CDK8: variants seen among roughly 807,000 people sequenced by gnomAD.
CDK8 encodes the protein cyclin dependent kinase 8, also known as cyclin-dependent kinase 8.
In CDK8, 29 loss-of-function variants were observed where a neutral mutation model predicts 71.5. The ratio of observed to expected loss-of-function variants is 0.41; its 90% confidence interval spans 0.30 to 0.55. CDK8 has a LOEUF of 0.55. Ranked by LOEUF, CDK8 falls within the 20% of genes least tolerant of loss-of-function variation. The pLI, the probability that CDK8 is intolerant of heterozygous loss-of-function variation, is 0.37. For synonymous variants in CDK8, 161 were observed against 192.1 expected, an observed-to-expected ratio of 0.84 and a Z score of 1.34; for missense variants, 288 against 572.6, an observed-to-expected ratio of 0.50 and a Z score of 5.07.
At chr13:26,331,511 G>T (rs1875313216) in intron 1 of CDK8, among the ~76,000 whole-genome samples, 1 of 151,996 alleles carries the variant, frequency 6.6e-6, no homozygotes, top group African/African-American at 2.4e-5. Context: ...TAAATTCTTT[G>T]CCTAGATCTT....
chr13:26,308,137 T>C (rs1874124512), intron 1 of CDK8, among the ~76,000 whole-genome samples: 1 of 152,262 alleles, frequency 6.6e-6, no homozygotes, highest in Admixed American at 6.5e-5. Context: ...TGCAGTGCAG[T>C]AGCCACTAAC....
At position 26,349,193 on chromosome 13, in the gene CDK8, T is replaced by C. The variant is rs1198305344; in HGVS notation, c.315+11T>C. The C allele has an allele frequency of 1.4e-6, 2 of 1,446,196 alleles. No homozygotes were observed. Among genetic ancestry groups the C allele is most frequent in the Non-Finnish European group, 1.9e-6 (2 of 1,034,504 alleles). The allele number at this position is 1,446,196 out of a possible 1,614,324, so 89.6% of individuals were successfully genotyped here. On this transcript the variant is annotated intron_variant, in intron 3 of 12. Coordinates refer to ENST00000381527, the MANE Select transcript of CDK8 (RefSeq NM_001260.3). The stretch of plus-strand genomic sequence containing the variant: ...GAACATGACCTCTGGGTAAGGTGAA[T>C]TGCTGGCAGACATGAGCAAACAGTC...
At chr13:26,403,742 C>T (rs1876376410) in intron 12 of CDK8, among the ~76,000 whole-genome samples, 1 of 152,146 alleles carries the variant, frequency 6.6e-6, no homozygotes, top group African/African-American at 2.4e-5. Context: ...TAAGCCTAGG[C>T]TTAATATTAT....
chr13:26,381,007 G>A (rs1318312980), intron 4 of CDK8, among the ~76,000 whole-genome samples: 1 of 152,174 alleles, frequency 6.6e-6, no homozygotes, highest in Non-Finnish European at 1.5e-5. Flanking sequence ...AAGCAAGAGA[G>A]TAACATAATC....
intron 1 of CDK8, among the ~76,000 whole-genome samples, chr13:26,301,703 TCC>T (rs1455666210): frequency 9.9e-5 from 15 of 152,170 alleles, no homozygotes; most frequent in Non-Finnish European, 1.5e-5. Flanking sequence ...GATGGGACAT[TCC>T]CCATAATGTC....
intron 1 of CDK8, among the ~76,000 whole-genome samples, chr13:26,270,989 C>T (rs1164142114): frequency 3.3e-5 from 5 of 152,086 alleles, no homozygotes; most frequent in Non-Finnish European, 7.4e-5. Context: ...TTGTTTTCTG[C>T]CTTTTTGATA....
chr13:26,396,361 T>G lies in CDK8; in HGVS notation c.860+7T>G. 7.1e-7 allele frequency: 1 copy of G among 1,402,712 alleles called. No individual in the cohort carries two copies. 86.9% of individuals were successfully genotyped at this position (1,402,712 alleles called of 1,614,324 possible). A position where few individuals can be genotyped will look rare whatever the true frequency, so the allele number is the denominator to read the frequency against. On this transcript the variant is annotated splice_region_variant and intron_variant, in intron 8 of 12. Transcript: ENST00000381527. ...AAGATTTCAGAAGAAATACGTAAGT[T>G]GGAAAAAAAGAGACTCCTTGTTGAT...
intron 2 of CDK8, among the ~76,000 whole-genome samples, chr13:26,344,586 G>A (rs866154312): frequency 2.0e-5 from 3 of 152,124 alleles, no homozygotes; most frequent in Admixed American, 1.3e-4. Flanking sequence ...CCAACATGGC[G>A]AAACCTTGTC....
chr13:26,355,195 A>G (rs898102558), intron 4 of CDK8, among the ~76,000 whole-genome samples: 1 of 152,228 alleles, frequency 6.6e-6, no homozygotes, highest in Non-Finnish European at 1.5e-5. Flanking sequence ...GATGTTAGTT[A>G]CTTTATCTCC....
In CDK8 at chr13:26,380,339, C is replaced by T. The variant is rs547745894; in HGVS notation, c.457-2475C>T. Among the ~76,000 whole-genome samples, 3 of 152,170 alleles carry T rather than the reference C, an allele frequency of 2.0e-5. No homozygotes were observed. The East Asian group carries it at 5.8e-4, about 29-fold the overall frequency. Reference sequence around the variant, plus strand: ...GGATTACAGGCACGCACCACCACGCCCAGCTAATTTTTGTATTTTTTAGTA... The same window carrying T: ...GGATTACAGGCACGCACCACCACGCTCAGCTAATTTTTGTATTTTTTAGTA... On this transcript the variant is annotated intron_variant, in intron 4 of 12. Transcript: ENST00000381527.
chr13:26,310,719 A>G (rs1208424979), intron 1 of CDK8, among the ~76,000 whole-genome samples: 1 of 152,134 alleles, frequency 6.6e-6, no homozygotes, highest in African/African-American at 2.4e-5. Context: ...TGTGCAGCCC[A>G]GTTCCTAACA....
intron 7 of CDK8, among the ~76,000 whole-genome samples, chr13:26,395,498 A>G (rs1875949733): frequency 6.6e-6 from 1 of 152,124 alleles, no homozygotes; most frequent in Non-Finnish European, 1.5e-5. Flanking sequence ...AAAAAAAAAA[A>G]AAAAAGAGCT....
chr13:26,401,243 A>G lies in CDK8; in HGVS notation c.1032-26A>G, dbSNP rs1876242258. 2 of 1,565,282 alleles carry G rather than the reference A, an allele frequency of 1.3e-6. No homozygotes were observed. The highest frequency in any genetic ancestry group is 2.2e-5 in the East Asian group (1 of 44,626). On this transcript the variant is annotated intron_variant, in intron 10 of 12. Coordinates refer to ENST00000381527, the MANE Select transcript of CDK8 (RefSeq NM_001260.3). This position sits in a 1 kb window ranked among gnomAD's most constrained non-coding sequence, Gnocchi z 4.5. ...TGGAATATTGATTAGTATACCAGAAATGGTTTTTCTTTTTCTTATGATCAG... is the reference window on the plus strand; with the variant it reads ...TGGAATATTGATTAGTATACCAGAAGTGGTTTTTCTTTTTCTTATGATCAG...
At chr13:26,370,636 A>T (rs1341985425) in intron 4 of CDK8, among the ~76,000 whole-genome samples, 1 of 152,208 alleles carries the variant, frequency 6.6e-6, no homozygotes, top group Non-Finnish European at 1.5e-5. Flanking sequence ...AACAGTCACG[A>T]TACAGGATTG....
At chr13:26,382,457 C>G (rs9512195) in intron 4 of CDK8, among the ~76,000 whole-genome samples, 1 of 152,004 alleles carries the variant, frequency 6.6e-6, no homozygotes, top group Non-Finnish European at 1.5e-5. Flanking sequence ...TCATCTTTCT[C>G]GATTCATTTT....
chr13:26,331,019 C>T (rs1018317966), intron 1 of CDK8, among the ~76,000 whole-genome samples: 11 of 152,090 alleles, frequency 7.2e-5, no homozygotes, highest in African/African-American at 2.4e-4. Flanking sequence ...ATTGCCATGC[C>T]ATTTTCTATA....
At chr13:26,263,923 A>G (rs1390487101) in intron 1 of CDK8, among the ~76,000 whole-genome samples, 2 of 150,348 alleles carry the variant, frequency 1.3e-5, no homozygotes, top group East Asian at 2.0e-4. Flanking sequence ...ATTTTTTTGT[A>G]CTTTTAGTAG....
At chr13:26,373,845 AAG>A (rs1342499728) in intron 4 of CDK8, among the ~76,000 whole-genome samples, 1 of 151,878 alleles carries the variant, frequency 6.6e-6, no homozygotes, top group Non-Finnish European at 1.5e-5. Flanking sequence ...TAGAGGGGAA[AAG>A]AGATAGTGTG....
chr13:26,342,013 C>T (rs998427421), intron 2 of CDK8, among the ~76,000 whole-genome samples: 2 of 152,136 alleles, frequency 1.3e-5, no homozygotes, highest in African/African-American at 2.4e-5. Flanking sequence ...CTCCGCCTCC[C>T]GTGTTCAAGC....
Sources: allele counts gnomAD v4.1 joint callset (sites outside exome capture counted in the v4.1 genomes callset), GRCh38; gene constraint gnomAD v4.1.1; non-coding constraint Gnocchi (gnomAD v3.1); transcripts MANE v1.5; gene names NCBI Gene and HGNC (gene_info 2026-07-23, HGNC 2026-07-21).